Variants in SCYL2 observed in about 807,000 individuals in gnomAD.
SCYL2 encodes the protein SCY1-like protein 2.
In SCYL2, 36 loss-of-function variants were observed where a neutral mutation model predicts 100.4. That is an observed-to-expected ratio of 0.36 (90% CI 0.27 to 0.47). SCYL2 has a LOEUF of 0.47. Ranked by LOEUF, SCYL2 falls within the 20% of genes least tolerant of loss-of-function variation. The probability of loss-of-function intolerance (pLI) is 1.00; values close to 1 mark genes in which losing one functional copy is unlikely to be tolerated. For synonymous variants in SCYL2, 330 were observed against 359.2 expected, an observed-to-expected ratio of 0.92 and a Z score of 0.92; for missense variants, 902 against 1,083.9, an observed-to-expected ratio of 0.83 and a Z score of 2.36.
intron 9 of SCYL2, among the ~76,000 whole-genome samples, chr12:100,317,423 ACTTT>A (rs980293151): frequency 6.6e-6 from 1 of 151,976 alleles, no homozygotes; most frequent in East Asian, 1.9e-4. Context: ...TCAGTTCTGT[ACTTT>A]CTTTTTCTCT....
At chr12:100,268,229 T>C (rs1334268713) in intron 1 of SCYL2, among the ~76,000 whole-genome samples, 2 of 152,232 alleles carry the variant, frequency 1.3e-5, no homozygotes, top group African/African-American at 4.8e-5. Flanking sequence ...TGACACTTTC[T>C]AAAAACATTG....
In SCYL2 at chr12:100,311,041, C is replaced by T; in HGVS notation, c.481-3C>T. ...GTGTAAAATGTGTTTTTTCCATTTA[C>T]AGGTTTCTGAAGGATTGTCATTCTT... On this transcript the variant is annotated splice_polypyrimidine_tract_variant and splice_region_variant and intron_variant, in intron 4 of 17. Coordinates refer to ENST00000360820, the MANE Select transcript of SCYL2 (RefSeq NM_017988.6). The T allele has an allele frequency of 6.5e-7, 1 of 1,533,642 alleles. No homozygotes were observed. The highest frequency in any genetic ancestry group is 8.7e-7 in the Non-Finnish European group (1 of 1,145,736).
At chr12:100,294,614 A>G (rs1592940462) in intron 3 of SCYL2, among the ~76,000 whole-genome samples, 1 of 126,686 alleles carries the variant, frequency 7.9e-6, no homozygotes, top group African/African-American at 3.1e-5. Flanking sequence ...CTGGCCGGGC[A>G]GAGGGGCTCC....
At chr12:100,336,951 A>T (rs1439086098) in intron 16 of SCYL2, among the ~76,000 whole-genome samples, 1 of 152,190 alleles carries the variant, frequency 6.6e-6, no homozygotes, top group Non-Finnish European at 1.5e-5. Context: ...TTGATAAAAG[A>T]CAAGACATCA....
chr12:100,288,395 GC>G (rs1436765829), intron 2 of SCYL2, among the ~76,000 whole-genome samples: 2 of 151,958 alleles, frequency 1.3e-5, no homozygotes, highest in African/African-American at 4.8e-5. Context: ...CCATCCTCCT[GC>G]CTCATTTTTA....
chr12:100,318,031 T>C, intron 10 of SCYL2, 106 bp downstream of exon 10: 1 of 955,082 alleles, frequency 1.0e-6, no homozygotes. Flanking sequence ...CATAACTCAA[T>C]AGTAAATATA....
At chr12:100,268,502 A>G (rs1019132780) in intron 1 of SCYL2, among the ~76,000 whole-genome samples, 2 of 152,212 alleles carry the variant, frequency 1.3e-5, no homozygotes, top group Non-Finnish European at 2.9e-5. Flanking sequence ...AGGCAACATT[A>G]AACTGTAATC....
At chr12:100,275,865 T>C (rs2096291964) in intron 1 of SCYL2, among the ~76,000 whole-genome samples, 1 of 152,236 alleles carries the variant, frequency 6.6e-6, no homozygotes, top group South Asian at 2.1e-4. Context: ...GTTCTTAGTT[T>C]CCTAAGAGTT....
At chr12:100,284,986 A>G (rs2096302894) in intron 2 of SCYL2, among the ~76,000 whole-genome samples, 1 of 152,204 alleles carries the variant, frequency 6.6e-6, no homozygotes, top group Non-Finnish European at 1.5e-5. Flanking sequence ...AACATGTGCA[A>G]TGTAGGGAGA....
chr12:100,299,411 C>T (rs950626023), intron 4 of SCYL2, among the ~76,000 whole-genome samples: 5 of 151,992 alleles, frequency 3.3e-5, no homozygotes, highest in Non-Finnish European at 7.4e-5. Context: ...TTTATAAGTT[C>T]GACATACACT....
chr12:100,314,307 T>G (rs1326636538), intron 7 of SCYL2, among the ~76,000 whole-genome samples, 182 bp from the exon 8 acceptor site: 1 of 152,218 alleles, frequency 6.6e-6, no homozygotes, highest in African/African-American at 2.4e-5. Flanking sequence ...ATTCCAAAGA[T>G]TTGAACTTGA....
intron 4 of SCYL2, among the ~76,000 whole-genome samples, chr12:100,301,924 G>A (rs1292597504): frequency 1.3e-5 from 2 of 152,210 alleles, no homozygotes; most frequent in African/African-American, 4.8e-5. Flanking sequence ...CGTACTATGT[G>A]GGTATCACTA....
Position 100,312,667 on chromosome 12 carries a change from A to G in SCYL2, c.852+14A>G. ...CAGTTGGATCAGGTATTTGCCTATA[A>G]ATAATTTGCTTGCATTAAAAAATTT... On this transcript the variant is annotated intron_variant, in intron 6 of 17. Coordinates refer to ENST00000360820, the MANE Select transcript of SCYL2 (RefSeq NM_017988.6). 6.4e-7 allele frequency: 1 copy of G among 1,573,610 alleles called. No homozygotes were observed. The highest frequency in any genetic ancestry group is 8.6e-7 in the Non-Finnish European group (1 of 1,156,986).
At chr12:100,300,317 AT>A (rs1490511526) in intron 4 of SCYL2, among the ~76,000 whole-genome samples, 8 of 152,290 alleles carry the variant, frequency 5.3e-5, no homozygotes, top group African/African-American at 1.7e-4. Context: ...TTTTTAAAGA[AT>A]TGTGGCAAAA....
At chr12:100,294,366 G>T (rs1408169280) in intron 3 of SCYL2, among the ~76,000 whole-genome samples, 1 of 116,598 alleles carries the variant, frequency 8.6e-6, no homozygotes, top group Non-Finnish European at 1.8e-5. Context: ...AGACGGGGCG[G>T]CTGGCCGGGC....
chr12:100,315,208 GA>G (rs1365091544), intron 8 of SCYL2, among the ~76,000 whole-genome samples: 1 of 152,196 alleles, frequency 6.6e-6, no homozygotes, highest in African/African-American at 2.4e-5. Flanking sequence ...GTTAACGTGT[GA>G]AACAGTTAAC....
chr12:100,271,271 A>G (rs1243423549), intron 1 of SCYL2, among the ~76,000 whole-genome samples: 1 of 150,438 alleles, frequency 6.6e-6, no homozygotes. Flanking sequence ...AAAAAAAAAA[A>G]AAAAAAAAAA....
chr12:100,340,289 G>T lies in SCYL2; in HGVS notation c.*1117G>T, dbSNP rs1050492223. 1.1e-4 allele frequency: 17 copies of T among 152,168 alleles called. No homozygotes were observed. Among genetic ancestry groups the T allele is most frequent in the African/African-American group, 4.1e-4 (17 of 41,344 alleles). 9.4% of individuals were successfully genotyped at this position (152,168 alleles called of 1,614,324 possible). A position where few individuals can be genotyped will look rare whatever the true frequency, so the allele number is the denominator to read the frequency against. The stretch of plus-strand genomic sequence containing the variant: ...TTTTAATTTCTATTAGCCATTTTTA[G>T]GAAGGAAAGAATCAATTCTCTTAAC... On this transcript the variant is annotated 3_prime_UTR_variant, in exon 18 of 18. Transcript: ENST00000360820.
intron 3 of SCYL2, among the ~76,000 whole-genome samples, chr12:100,297,567 C>G (rs568483699): frequency 6.6e-6 from 1 of 152,206 alleles, no homozygotes; most frequent in Non-Finnish European, 1.5e-5. Flanking sequence ...TGTGCCTTGT[C>G]TCTCTTCCTG....
Sources: gnomAD v4.1 joint callset for allele counts (sites outside exome capture counted in the v4.1 genomes callset) on GRCh38, gnomAD v4.1.1 for gene constraint, MANE v1.5 for transcripts, NCBI Gene and HGNC (gene_info 2026-07-23, HGNC 2026-07-21) for gene names.